ESRRG: variants seen among roughly 807,000 people sequenced by gnomAD.
ESRRG encodes estrogen related receptor gamma.
Under a neutral mutation model 44.0 loss-of-function variants are expected in ESRRG, and 13 were observed. The observed-to-expected ratio is 0.30, with a 90% CI of 0.19 to 0.47. The LOEUF (loss-of-function observed/expected upper bound fraction) is 0.47, where lower values mean the gene tolerates loss of function less well. Ranked by LOEUF, ESRRG falls within the 20% of genes least tolerant of loss-of-function variation. ESRRG has a pLI of 1.00. For missense variants in ESRRG, 395 were observed against 580.6 expected, an observed-to-expected ratio of 0.68 and a Z score of 3.29; for synonymous variants, 215 against 214.6, an observed-to-expected ratio of 1.00 and a Z score of -0.02.
At chr1:216,626,768 C>A (rs987308298) in intron 3 of ESRRG, among the ~76,000 whole-genome samples, 3 of 152,236 alleles carry the variant, frequency 2.0e-5, no homozygotes, top group African/African-American at 4.8e-5. Flanking sequence ...AGGTTCCTCG[C>A]TGGTATCTTT....
Position 217,113,524 on chromosome 1 carries a change from G to C in ESRRG, c.-230+24143C>G, listed in dbSNP as rs1478562623. Among the ~76,000 whole-genome samples, 3 of 152,242 alleles carry C rather than the reference G, an allele frequency of 2.0e-5. No individual in the cohort carries two copies. The East Asian group carries it at 5.8e-4, about 29-fold the overall frequency. On this transcript the variant is annotated intron_variant, in intron 1 of 8. Coordinates refer to the ESRRG transcript ENST00000366940. The stretch of plus-strand genomic sequence containing the variant: ...CTCCCCAGGAGCCCATCCACATATG[G>C]ACATGATTTAGATGACAAAATCCTG...
chr1:216,919,317 C>A (rs188072584), intron 2 of ESRRG, among the ~76,000 whole-genome samples: 4 of 152,230 alleles, frequency 2.6e-5, no homozygotes, highest in Non-Finnish European at 5.9e-5. Flanking sequence ...AAAATGTCAT[C>A]CATGTGGCAC....
intron 2 of ESRRG, among the ~76,000 whole-genome samples, chr1:216,807,361 A>G (rs1424789989): frequency 6.6e-6 from 1 of 152,180 alleles, no homozygotes; most frequent in Non-Finnish European, 1.5e-5. Context: ...TGATAGTCAT[A>G]TTAGAAAGTT....
chr1:216,739,992 CCT>C (rs1047678962), intron 2 of ESRRG, among the ~76,000 whole-genome samples: 2 of 152,176 alleles, frequency 1.3e-5, no homozygotes, highest in Non-Finnish European at 2.9e-5. Context: ...CATCTTCAGT[CCT>C]GAGTCTGACT....
chr1:216,921,846 C>A (rs547777114), intron 2 of ESRRG, among the ~76,000 whole-genome samples: 1 of 152,208 alleles, frequency 6.6e-6, no homozygotes, highest in African/African-American at 2.4e-5. Context: ...TACTTGGGAT[C>A]ACTCAAGAAA....
chr1:216,614,926 A>C (rs2061208334), intron 3 of ESRRG, among the ~76,000 whole-genome samples: 1 of 152,238 alleles, frequency 6.6e-6, no homozygotes, highest in Non-Finnish European at 1.5e-5. Context: ...GAAATGCACA[A>C]TAGAACCCAA....
intron 2 of ESRRG, among the ~76,000 whole-genome samples, chr1:216,729,667 A>T (rs2088304781): frequency 6.6e-6 from 1 of 152,060 alleles, no homozygotes; most frequent in Admixed American, 6.6e-5. Flanking sequence ...GATTCTGCTG[A>T]CTCTCCAGAG....
chr1:216,669,265 G>A (rs760944815), intron 2 of ESRRG, among the ~76,000 whole-genome samples: 8 of 152,114 alleles, frequency 5.3e-5, no homozygotes, highest in Non-Finnish European at 7.4e-5. Context: ...GTATAATTTA[G>A]GTGACTTCCC....
intron 6 of ESRRG, among the ~76,000 whole-genome samples, chr1:216,507,836 C>T (rs574092442): frequency 1.8e-4 from 27 of 152,188 alleles, no homozygotes; most frequent in Non-Finnish European, 3.4e-4. Flanking sequence ...AAATATTTTT[C>T]GCATTTGTAA....
At chr1:217,018,490 A>G (rs2150887758) in intron 1 of ESRRG, among the ~76,000 whole-genome samples, 1 of 152,134 alleles carries the variant, frequency 6.6e-6, no homozygotes, top group Middle Eastern at 3.4e-3. Context: ...TCGTGCACAA[A>G]GCCTTTTCTG....
At chr1:216,560,556 A>T (rs1460756975) in intron 5 of ESRRG, among the ~76,000 whole-genome samples, 1 of 152,198 alleles carries the variant, frequency 6.6e-6, no homozygotes, top group East Asian at 1.9e-4. Context: ...CATTTTGCTA[A>T]CAAAGTTACA....
chr1:216,892,542 C>T (rs2057937432), intron 2 of ESRRG, among the ~76,000 whole-genome samples: 2 of 152,090 alleles, frequency 1.3e-5, no homozygotes, highest in South Asian at 4.1e-4. Flanking sequence ...TATTTCAGTT[C>T]CTTCTATCCT....
At chr1:216,909,673 C>G (rs1163782880) in intron 2 of ESRRG, among the ~76,000 whole-genome samples, 2 of 152,076 alleles carry the variant, frequency 1.3e-5, no homozygotes, top group African/African-American at 4.8e-5. Flanking sequence ...GTGTGAGCCA[C>G]CGTGCCCGGC....
chr1:217,126,450 C>G (rs1231800536), intron 1 of ESRRG, among the ~76,000 whole-genome samples: 2 of 152,156 alleles, frequency 1.3e-5, no homozygotes, highest in African/African-American at 2.4e-5. Flanking sequence ...ACCAACTGTG[C>G]TGTATACACC....
rs1199945808 is a variant in ESRRG at position 216,503,636 on chromosome 1, A to G, written c.*3303T>C. On this transcript the variant is annotated 3_prime_UTR_variant, in exon 7 of 7. Coordinates refer to ENST00000408911, the MANE Select transcript of ESRRG (RefSeq NM_001438.4). ...AAAATGTTTTCCTAGGCAGGTAAAC[A>G]GAGACGCTTAAATAATTAAAATACA... 6.6e-6 allele frequency: 1 copy of G among 152,560 alleles called. No individual in the cohort carries two copies. Among genetic ancestry groups the G allele is most frequent in the Admixed American group, 6.6e-5 (1 of 15,264 alleles). The allele number at this position is 152,560 out of a possible 1,614,324, so 9.5% of individuals were successfully genotyped here.
At chr1:217,069,905 A>G (rs1230516973) in intron 1 of ESRRG, among the ~76,000 whole-genome samples, 1 of 152,168 alleles carries the variant, frequency 6.6e-6, no homozygotes, top group African/African-American at 2.4e-5. Context: ...TTCCTTAAAG[A>G]CCAGATGATG....
chr1:216,591,017 A>G (rs112634200), intron 3 of ESRRG, among the ~76,000 whole-genome samples: 1 of 152,212 alleles, frequency 6.6e-6, no homozygotes, highest in Non-Finnish European at 1.5e-5. Flanking sequence ...TTTCTGGTAC[A>G]GTGCTCCTAA....
intron 1 of ESRRG, among the ~76,000 whole-genome samples, chr1:217,010,551 C>CT (rs1285214705): frequency 1.3e-5 from 2 of 152,190 alleles, no homozygotes; most frequent in African/African-American, 4.8e-5. Flanking sequence ...GATAGAAAAT[C>CT]TGTTCAAATG....
chr1:217,073,623 C>A (rs1312515874), intron 1 of ESRRG, among the ~76,000 whole-genome samples: 2 of 152,112 alleles, frequency 1.3e-5, no homozygotes, highest in Admixed American at 1.3e-4. Flanking sequence ...GACTGTGGGT[C>A]TCCTGTCCCT....
Sources: allele counts gnomAD v4.1 joint callset (sites outside exome capture counted in the v4.1 genomes callset), GRCh38; gene constraint gnomAD v4.1.1; transcripts MANE v1.5; gene names NCBI Gene and HGNC (gene_info 2026-07-23, HGNC 2026-07-21).